The following CSMD1 variants were observed in gnomAD, a reference collection of about 807,000 sequenced individuals.
The protein encoded by CSMD1 is CUB and sushi domain-containing protein 1.
CSMD1 carries 213 observed loss-of-function variants against 417.5 expected under a neutral mutation model. The observed-to-expected ratio is 0.51, with a 90% CI of 0.46 to 0.57. The LOEUF is 0.57. CSMD1 is among the 20% of genes least tolerant of loss of function. The probability of loss-of-function intolerance (pLI) is 0.00; values close to 1 mark genes in which losing one functional copy is unlikely to be tolerated. For missense variants in CSMD1, 6,923 were observed against 4,529.7 expected (o/e 1.53, Z -15.17); for synonymous variants, 2,862 against 1,736.8 (o/e 1.65, Z -16.11).
intron 10 of CSMD1, among the ~76,000 whole-genome samples, chr8:3,548,112 G>C (rs962579070): frequency 6.6e-6 from 1 of 152,102 alleles, no homozygotes; most frequent in Non-Finnish European, 1.5e-5. Context: ...GTGCTCAGAA[G>C]AGCACTGATA....
chr8:3,499,438 G>A (rs1796501412), intron 10 of CSMD1, among the ~76,000 whole-genome samples: 2 of 152,126 alleles, frequency 1.3e-5, no homozygotes, highest in Admixed American at 1.3e-4. Context: ...TTGGCCTCAG[G>A]TGGGCTGGTC....
In CSMD1 at chr8:3,665,773, T is replaced by G. The variant is rs139376758; in HGVS notation, c.1009+42641A>C. On this transcript the variant is annotated intron_variant, in intron 7 of 69. Transcript: ENST00000635120. ...GAAGGTGTTTATCCAAGGCAGTAGC[T>G]TGAAGCTGAGGCTATTTCTTAGAGC... is the stretch of plus-strand genomic sequence containing the variant. Among the ~76,000 whole-genome samples the G allele has an allele frequency of 2.8e-3, 432 of 152,326 alleles. 1 individual carries two copies. The highest frequency in any genetic ancestry group is 0.01 in the African/African-American group (416 of 41,574).
chr8:4,216,830 C>A (rs1301970866), intron 3 of CSMD1, among the ~76,000 whole-genome samples: 2 of 152,104 alleles, frequency 1.3e-5, no homozygotes, highest in Non-Finnish European at 2.9e-5. Flanking sequence ...AAGAGGTAAA[C>A]ATGAGGATGG....
chr8:4,853,375 G>C (rs753738782), intron 1 of CSMD1, among the ~76,000 whole-genome samples: 1 of 152,176 alleles, frequency 6.6e-6, no homozygotes, highest in Non-Finnish European at 1.5e-5. Flanking sequence ...TCTATCCATG[G>C]CTCAAAGTGC....
intron 61 of CSMD1, 26 bp from the exon 62 acceptor site, chr8:2,961,240 A>C: frequency 7.0e-7 from 1 of 1,426,950 alleles, no homozygotes. Flanking sequence ...TAAAAAGAAA[A>C]GAGGGCACCA....
At chr8:4,788,128 G>T in intron 1 of CSMD1, 2 of 1,602,992 alleles carry the variant, frequency 1.2e-6, no homozygotes, top group Admixed American at 3.4e-5. Context: ...GTGTTGATGG[G>T]CTCTACTTCT....
chr8:3,806,518 T>C (rs887037456), intron 5 of CSMD1, among the ~76,000 whole-genome samples: 4 of 152,296 alleles, frequency 2.6e-5, no homozygotes, highest in Non-Finnish European at 2.9e-5. Context: ...CGGTGCTCTG[T>C]GCTTTGAGGC....
At chr8:3,404,696 T>C (rs1460202131) in intron 15 of CSMD1, among the ~76,000 whole-genome samples, 1 of 152,186 alleles carries the variant, frequency 6.6e-6, no homozygotes, top group African/African-American at 2.4e-5. Flanking sequence ...TAACCATAAT[T>C]AACATTTTGG....
intron 23 of CSMD1, among the ~76,000 whole-genome samples, chr8:3,323,908 AT>A (rs1806321186): frequency 2.3e-5 from 3 of 131,632 alleles, no homozygotes; most frequent in African/African-American, 9.1e-5. Flanking sequence ...ACCTTTCATC[AT>A]TGTTAAAATA....
chr8:4,244,827 G>A (rs1383780891), intron 3 of CSMD1, among the ~76,000 whole-genome samples: 2 of 152,150 alleles, frequency 1.3e-5, no homozygotes, highest in African/African-American at 4.8e-5. Flanking sequence ...GTATGTATAT[G>A]TTCTGACCTC....
chr8:3,570,002 A>G (rs933729575), intron 10 of CSMD1, among the ~76,000 whole-genome samples: 2 of 152,232 alleles, frequency 1.3e-5, no homozygotes, highest in Non-Finnish European at 2.9e-5. Context: ...AAATATATAC[A>G]ATGTCTGCAT....
chr8:3,248,436 G>A (rs1483745555), intron 26 of CSMD1, among the ~76,000 whole-genome samples: 1 of 151,838 alleles, frequency 6.6e-6, no homozygotes, highest in African/African-American at 2.4e-5. Flanking sequence ...TAAGGGAAAT[G>A]GCTGGAAGTG....
At chr8:3,626,757 C>T (rs1796510866) in intron 7 of CSMD1, among the ~76,000 whole-genome samples, 1 of 149,876 alleles carries the variant, frequency 6.7e-6, no homozygotes, top group African/African-American at 2.4e-5. Flanking sequence ...TATATATTAC[C>T]TATGTATTCA....
intron 3 of CSMD1, among the ~76,000 whole-genome samples, chr8:4,123,339 G>A (rs183440469): frequency 4.6e-4 from 70 of 152,264 alleles, no homozygotes; most frequent in Non-Finnish European, 4.9e-4. Flanking sequence ...CAATTAGTAG[G>A]CTCAGTGGGA....
At chr8:3,703,023 A>C (rs1254845395) in intron 7 of CSMD1, among the ~76,000 whole-genome samples, 1 of 152,188 alleles carries the variant, frequency 6.6e-6, no homozygotes, top group East Asian at 1.9e-4. Context: ...CCAAGAATAA[A>C]ATAATTCAAA....
intron 1 of CSMD1, among the ~76,000 whole-genome samples, chr8:4,922,539 C>T (rs940605632): frequency 2.0e-5 from 3 of 152,130 alleles, no homozygotes; most frequent in Non-Finnish European, 2.9e-5. Flanking sequence ...CATTCACACC[C>T]TTTCAGTTTT....
intron 12 of CSMD1, among the ~76,000 whole-genome samples, chr8:3,464,051 G>C (rs1455835378): frequency 6.6e-6 from 1 of 152,108 alleles, no homozygotes; most frequent in Non-Finnish European, 1.5e-5. Context: ...CTTAGTATTA[G>C]CCCAAAATAG....
chr8:4,243,020 C>G (rs1302464295), intron 3 of CSMD1, among the ~76,000 whole-genome samples: 1 of 152,142 alleles, frequency 6.6e-6, no homozygotes, highest in Admixed American at 6.5e-5. Context: ...AGGAAACAGA[C>G]TAGAATGGCA....
intron 3 of CSMD1, among the ~76,000 whole-genome samples, chr8:4,281,240 C>G (rs919154597): frequency 6.6e-6 from 1 of 152,138 alleles, no homozygotes; most frequent in Non-Finnish European, 1.5e-5. Flanking sequence ...TAAGTATGAT[C>G]TCAGGGAATT....
Sources: gnomAD v4.1 joint callset for allele counts (sites outside exome capture counted in the v4.1 genomes callset) on GRCh38, gnomAD v4.1.1 for gene constraint, MANE v1.5 for transcripts, NCBI Gene and HGNC (gene_info 2026-07-23, HGNC 2026-07-21) for gene names.